Variants in NEO1 observed in about 807,000 individuals in gnomAD.
The protein encoded by NEO1 is neogenin 1, also known as neogenin.
A neutral mutation model predicts 159.7 loss-of-function variants in NEO1; 63 were observed. That is an observed-to-expected ratio of 0.39 (90% CI 0.32 to 0.49). NEO1 has a LOEUF of 0.49. Ranked by LOEUF, NEO1 falls within the 20% of genes least tolerant of loss-of-function variation. NEO1 has a pLI of 0.85. For synonymous variants in NEO1, 633 were observed against 662.0 expected, an observed-to-expected ratio of 0.96 and a Z score of 0.67; for missense variants, 1,615 against 1,831.0, an observed-to-expected ratio of 0.88 and a Z score of 2.15.
At chr15:73,278,018 T>C (rs934453844) in intron 21 of NEO1, 113 bp from the exon 22 acceptor site, 43 of 831,954 alleles carry the variant, frequency 5.2e-5, no homozygotes, top group Non-Finnish European at 8.0e-5. Context: ...TATTTTCTCA[T>C]GGACAGAATA....
chr15:73,053,476 G>A (rs1424383312), intron 1 of NEO1, among the ~76,000 whole-genome samples: 1 of 152,202 alleles, frequency 6.6e-6, no homozygotes, highest in East Asian at 1.9e-4. Context: ...CTTTCCTGGG[G>A]ATTACAACTA....
At chr15:73,090,905 G>T (rs1177845805) in intron 1 of NEO1, among the ~76,000 whole-genome samples, 1 of 152,170 alleles carries the variant, frequency 6.6e-6, no homozygotes, top group Non-Finnish European at 1.5e-5. Flanking sequence ...TAAGTACTGT[G>T]TTAAATGGTT....
chr15:73,079,488 T>C lies in NEO1; in HGVS notation c.130+26683T>C, dbSNP rs577977881. Among the ~76,000 whole-genome samples, 11 of 152,368 alleles carry C rather than the reference T, an allele frequency of 7.2e-5. No individual in the cohort carries two copies. The East Asian group carries it at 1.5e-3, about 21-fold the overall frequency. On this transcript the variant is annotated intron_variant, in intron 1 of 28. Transcript: ENST00000261908. ...TCAATCAATTTTGCTGTTGGTACTA[T>C]TCAATCAAATAGGCCAGTGGGTTTT... is the stretch of plus-strand genomic sequence containing the variant.
chr15:73,187,297 T>A (rs551587485), intron 7 of NEO1, among the ~76,000 whole-genome samples: 33 of 152,282 alleles, frequency 2.2e-4, no homozygotes, highest in African/African-American at 5.8e-4. Context: ...CTTTTTGGAG[T>A]GACTAGGGCA....
chr15:73,068,590 A>G, intron 1 of NEO1, among the ~76,000 whole-genome samples: 1 of 152,102 alleles, frequency 6.6e-6, no homozygotes, highest in Non-Finnish European at 1.5e-5. Flanking sequence ...TGGAGGTATC[A>G]TGGGTCCGTC....
chr15:73,280,674 A>G (rs1397218463), intron 22 of NEO1, among the ~76,000 whole-genome samples: 1 of 152,152 alleles, frequency 6.6e-6, no homozygotes, highest in African/African-American at 2.4e-5. Flanking sequence ...TAAAAACATT[A>G]TTTTATTGAA....
At chr15:73,193,540 A>G (rs1323158710) in intron 7 of NEO1, among the ~76,000 whole-genome samples, 1 of 150,266 alleles carries the variant, frequency 6.7e-6, no homozygotes, top group Non-Finnish European at 1.5e-5. Flanking sequence ...AGTATAAATA[A>G]GTGTTATTAC....
At chr15:73,297,755 G>A (rs1192216320) in intron 26 of NEO1, among the ~76,000 whole-genome samples, 1 of 152,134 alleles carries the variant, frequency 6.6e-6, no homozygotes, top group Non-Finnish European at 1.5e-5. Flanking sequence ...CCTTCATTTG[G>A]TGTGATCTGA....
intron 5 of NEO1, among the ~76,000 whole-genome samples, chr15:73,146,089 C>T (rs533605125): frequency 3.3e-5 from 5 of 152,324 alleles, no homozygotes; most frequent in African/African-American, 1.2e-4. Context: ...CTACCTATTC[C>T]TATCCCTTGT....
intron 4 of NEO1, among the ~76,000 whole-genome samples, chr15:73,129,854 C>T (rs1429127691): frequency 6.6e-6 from 1 of 151,930 alleles, no homozygotes; most frequent in East Asian, 1.9e-4. Flanking sequence ...TATATTTTTC[C>T]CTATTCCTTT....
At chr15:73,061,754 T>C (rs2067989802) in intron 1 of NEO1, among the ~76,000 whole-genome samples, 1 of 152,182 alleles carries the variant, frequency 6.6e-6, no homozygotes, top group South Asian at 2.1e-4. Context: ...ATATATACAA[T>C]TATATACTTA....
intron 22 of NEO1, among the ~76,000 whole-genome samples, chr15:73,281,114 A>G (rs2041675966): frequency 6.7e-6 from 1 of 149,872 alleles, no homozygotes; most frequent in South Asian, 2.2e-4. Context: ...AGGCTAAGGC[A>G]GGAGAATGGC....
chr15:73,269,513 A>C (rs548868293), intron 16 of NEO1, among the ~76,000 whole-genome samples: 33 of 152,160 alleles, frequency 2.2e-4, no homozygotes, highest in African/African-American at 5.8e-4. Flanking sequence ...GGCACCTGCC[A>C]CCATGCCCAG....
At chr15:73,058,041 G>C (rs1230387605) in intron 1 of NEO1, among the ~76,000 whole-genome samples, 1 of 152,062 alleles carries the variant, frequency 6.6e-6, no homozygotes, top group East Asian at 1.9e-4. Flanking sequence ...TTTTTTTACA[G>C]ATAAGCAGGA....
intron 16 of NEO1, among the ~76,000 whole-genome samples, chr15:73,268,182 CT>C (rs1173642821): frequency 6.6e-6 from 1 of 152,016 alleles, no homozygotes; most frequent in Non-Finnish European, 1.5e-5. Flanking sequence ...TTTATAATTT[CT>C]TTTAGAAATA....
At chr15:73,101,782 T>A (rs1400346013) in intron 1 of NEO1, among the ~76,000 whole-genome samples, 1 of 152,176 alleles carries the variant, frequency 6.6e-6, no homozygotes, top group Non-Finnish European at 1.5e-5. Flanking sequence ...GCCTGCATCA[T>A]CTTACCGTGT....
At chr15:73,248,492 G>T (rs2039912733) in intron 9 of NEO1, among the ~76,000 whole-genome samples, 1 of 152,214 alleles carries the variant, frequency 6.6e-6, no homozygotes, top group East Asian at 1.9e-4. Context: ...CCCATTGACT[G>T]GAATGATTTT....
In NEO1 at chr15:73,078,176, C is replaced by T. The variant is rs182634926; in HGVS notation, c.130+25371C>T. Reference sequence around the variant, plus strand: ...GTGGGTTCAGTCTAGGCTGTTTACCCAAGTTGGTGTTTCATGGACCATTGT... The same window carrying T: ...GTGGGTTCAGTCTAGGCTGTTTACCTAAGTTGGTGTTTCATGGACCATTGT... On this transcript the variant is annotated intron_variant, in intron 1 of 28. Coordinates refer to ENST00000261908, the MANE Select transcript of NEO1 (RefSeq NM_002499.4). Among the ~76,000 whole-genome samples, 263 of 152,058 alleles carry T rather than the reference C, an allele frequency of 1.7e-3. 1 individual carries two copies. Among genetic ancestry groups the T allele is most frequent in the African/African-American group, 5.9e-3 (246 of 41,476 alleles).
intron 1 of NEO1, among the ~76,000 whole-genome samples, chr15:73,095,909 C>T (rs1324046674): frequency 6.6e-6 from 1 of 152,100 alleles, no homozygotes; most frequent in African/African-American, 2.4e-5. Flanking sequence ...AGGGATAAAA[C>T]ATCATTTTGA....
Sources: gnomAD v4.1 joint callset for allele counts (sites outside exome capture counted in the v4.1 genomes callset) on GRCh38, gnomAD v4.1.1 for gene constraint, MANE v1.5 for transcripts, NCBI Gene and HGNC (gene_info 2026-07-23, HGNC 2026-07-21) for gene names.